Variants in LETM2 observed in about 807,000 individuals in gnomAD.
LETM2 encodes the protein leucine zipper and EF-hand containing transmembrane protein 2.
In LETM2, 58 loss-of-function variants were observed where a neutral mutation model predicts 59.6. That is an observed-to-expected ratio of 0.97 (90% CI 0.79 to 1.21). LETM2 has a LOEUF of 1.21. LETM2 is among the 50% of genes most tolerant of loss of function. The pLI is 0.00. For synonymous variants in LETM2, 199 were observed against 214.1 expected (o/e 0.93, Z 0.62); for missense variants, 572 against 575.7 (o/e 0.99, Z 0.07).
intron 6 of LETM2, among the ~76,000 whole-genome samples, chr8:38,402,108 AT>A (rs1158849333): frequency 3.3e-5 from 5 of 152,106 alleles, no homozygotes; most frequent in Non-Finnish European, 7.4e-5. Flanking sequence ...TGTTAGGGCC[AT>A]TTCTGGGGGT....
At position 38,397,892 on chromosome 8, in the gene LETM2, C is replaced by A. The variant is rs183107231; in HGVS notation, c.646-2380C>A. Among the ~76,000 whole-genome samples the A allele has an allele frequency of 1.7e-3, 259 of 152,236 alleles. 1 individual carries two copies. The highest frequency in any genetic ancestry group is 3.0e-3 in the Non-Finnish European group (201 of 68,000). On this transcript the variant is annotated intron_variant, in intron 4 of 10. Transcript: ENST00000379957. ...TGGTGGCTCATGCCTGTAATCCCAG[C>A]ACTTTGGGAGGCCGAGGTGGGTGGG... is the stretch of plus-strand genomic sequence containing the variant.
intron 2 of LETM2, among the ~76,000 whole-genome samples, chr8:38,391,111 A>G (rs1250293363): frequency 6.9e-6 from 1 of 145,282 alleles, no homozygotes; most frequent in Non-Finnish European, 1.5e-5. Context: ...CTAGGAGGTC[A>G]TGGCTGCAGT....
rs911918992 is a variant in LETM2, at chr8:38,398,754, G to A, written c.646-1518G>A. 2.9e-5 allele frequency among the ~76,000 whole-genome samples: 4 copies of A among 138,308 alleles called. No individual in the cohort carries two copies. The East Asian group carries it at 8.5e-4, about 30-fold the overall frequency. 90.7% of individuals were successfully genotyped at this position (138,308 alleles called of 152,430 possible). A position where few individuals can be genotyped will look rare whatever the true frequency, so the allele number is the denominator to read the frequency against. ...TTTTTTTTTTTTGAGACAGAGTCTC[G>A]TGCTGTTGCCCAGGCTGGAGTGCAG... is the stretch of plus-strand genomic sequence containing the variant. On this transcript the variant is annotated intron_variant, in intron 4 of 10. Coordinates refer to ENST00000379957, the MANE Select transcript of LETM2 (RefSeq NM_001286819.2).
Position 38,396,226 on chromosome 8 carries a change from C to T in LETM2, c.645+1985C>T, listed in dbSNP as rs548434203. Among the ~76,000 whole-genome samples the T allele has an allele frequency of 7.3e-5, 11 of 151,234 alleles. No individual in the cohort carries two copies. In the South Asian group the frequency reaches 1.9e-3, roughly 26 times the overall value. ...TCGCCCAGGCTGGAGTGCAATGGTG[C>T]GATCTCGGCTCCCTGCAACCTCCAC... On this transcript the variant is annotated intron_variant, in intron 4 of 10. Coordinates refer to ENST00000379957, the MANE Select transcript of LETM2 (RefSeq NM_001286819.2).
Position 38,407,423 on chromosome 8 carries a change from T to C in LETM2, c.1373T>C (p.Ile458Thr), listed in dbSNP as rs1159025513. The C allele has an allele frequency of 7.4e-6, 12 of 1,613,172 alleles. No homozygotes were observed. The South Asian group carries it at 8.8e-5, about 12-fold the overall frequency. Residue 458 changes from isoleucine to threonine, a missense_variant, in exon 10 of 11, where the codon ATT becomes ACT. Transcript: ENST00000379957. ...TSSPITPSTP[I>T]SLPKGPITSS... is the part of the protein sequence containing the mutation. The stretch of plus-strand genomic sequence containing the variant: ...TCACCCATAACACCATCAACACCTA[T>C]TTCATTACCTAAAGGACCCATCACT...
At chr8:38,402,789 A>G in intron 7 of LETM2, 145 bp downstream of exon 7, 1 of 772,964 alleles carries the variant, frequency 1.3e-6, no homozygotes, top group East Asian at 2.7e-5. Context: ...CTGAAGGACT[A>G]GGTTGATTTT....
chr8:38,403,248 G>A (rs547585658), intron 7 of LETM2, among the ~76,000 whole-genome samples: 1 of 152,330 alleles, frequency 6.6e-6, no homozygotes, highest in South Asian at 2.1e-4. Context: ...ACCGACTTGG[G>A]ACTTCAGTTA....
In LETM2 at chr8:38,399,797, T is replaced by G. The variant is rs1335028253; in HGVS notation, c.646-475T>G. ...CATCTCAAAAAAAAAAAAAAAAAAA[T>G]TAGCCAGGTGTGGTGGCACACACCT... On this transcript the variant is annotated intron_variant, in intron 4 of 10. Transcript: ENST00000379957. 6.5e-5 allele frequency among the ~76,000 whole-genome samples: 8 copies of G among 122,744 alleles called. No individual in the cohort carries two copies. The East Asian group carries it at 2.1e-3, about 32-fold the overall frequency. 80.5% of individuals were successfully genotyped at this position (122,744 alleles called of 152,430 possible).
At chr8:38,405,950 AT>A (rs1380156054) in intron 8 of LETM2, among the ~76,000 whole-genome samples, 4 of 152,202 alleles carry the variant, frequency 2.6e-5, no homozygotes, top group Non-Finnish European at 5.9e-5. Flanking sequence ...TTAAACTTCT[AT>A]TCTCCATGTA....
At chr8:38,389,854 C>T (rs1340015048) in intron 2 of LETM2, among the ~76,000 whole-genome samples, 2 of 151,928 alleles carry the variant, frequency 1.3e-5, no homozygotes, top group Non-Finnish European at 2.9e-5. Context: ...CAAAAATTAG[C>T]TGGACGTGGT....
intron 2 of LETM2, among the ~76,000 whole-genome samples, chr8:38,389,547 C>T: frequency 6.6e-6 from 1 of 152,114 alleles, no homozygotes; most frequent in Middle Eastern, 3.4e-3. Context: ...AGACTAAAGA[C>T]TATTCACTGA....
Position 38,406,966 on chromosome 8 carries a change from T to C in LETM2, c.1239T>C (p.Leu413=), listed in dbSNP as rs757489557. 1 of 1,610,116 alleles carries C rather than the reference T, an allele frequency of 6.2e-7. No individual in the cohort carries two copies. The highest frequency in any genetic ancestry group is 1.1e-5 in the South Asian group (1 of 91,028). ...LSGEAPKTDI[L]VELPTFTESK... is the part of the protein sequence containing the mutation. ...CCCAGGCTCCAAAGACTGATATTCT[T>C]GTGGAATTACCTACTTTCACTGAAT... Residue 413 remains leucine, a synonymous_variant, in exon 9 of 11, where the codon CTT becomes CTC. Transcript: ENST00000379957.
intron 1 of LETM2, chr8:38,386,874 C>T (rs1178782340): frequency 6.5e-6 from 1 of 152,686 alleles, no homozygotes; most frequent in Non-Finnish European, 1.5e-5. Context: ...CCCCGATCAT[C>T]CACGAGGGTC....
chr8:38,396,167 T>A (rs148115614), intron 4 of LETM2, among the ~76,000 whole-genome samples: 82 of 94,760 alleles, frequency 8.7e-4, no homozygotes, highest in South Asian at 1.8e-3. Context: ...TTTATTTATT[T>A]ATTTTTTTTT....
At chr8:38,402,419 C>A in intron 6 of LETM2, 106 bp from the exon 7 acceptor site, 1 of 1,323,112 alleles carries the variant, frequency 7.6e-7, no homozygotes, top group Admixed American at 1.8e-5. Context: ...GTGCAGGGGA[C>A]AAAGCATCCA....
intron 7 of LETM2, among the ~76,000 whole-genome samples, chr8:38,403,039 G>A (rs1026783041): frequency 9.9e-5 from 15 of 151,972 alleles, no homozygotes; most frequent in Non-Finnish European, 1.5e-4. Context: ...TGTGAGCCCC[G>A]GGCTACTCTC....
At chr8:38,400,721 T>C (rs1813130532) in intron 5 of LETM2, 132 bp from the exon 6 acceptor site, 2 of 841,880 alleles carry the variant, frequency 2.4e-6, no homozygotes, top group South Asian at 1.7e-5. Context: ...CTTTTCTTTA[T>C]ACCACGAAGC....
At chr8:38,393,645 A>T (rs1430746878) in intron 3 of LETM2, 1 of 153,064 alleles carries the variant, frequency 6.5e-6, no homozygotes, top group Non-Finnish European at 1.5e-5. Flanking sequence ...ATCTCAAAAA[A>T]ACAAACAAAC....
At chr8:38,399,482 C>T (rs1263762617) in intron 4 of LETM2, among the ~76,000 whole-genome samples, 4 of 152,060 alleles carry the variant, frequency 2.6e-5, no homozygotes, top group Admixed American at 6.6e-5. Flanking sequence ...AGGTTGAGAT[C>T]GTATCTCATT....
Sources: allele counts gnomAD v4.1 joint callset (sites outside exome capture counted in the v4.1 genomes callset), GRCh38; gene constraint gnomAD v4.1.1; transcripts MANE v1.5; gene names NCBI Gene and HGNC (gene_info 2026-07-23, HGNC 2026-07-21).